The following MRPS10 variants were observed in gnomAD, a reference collection of about 807,000 sequenced individuals.
MRPS10 encodes the protein mitochondrial ribosomal protein S10.
A neutral mutation model predicts 27.5 loss-of-function variants in MRPS10; 23 were observed. The ratio of observed to expected loss-of-function variants is 0.84; its 90% CI spans 0.60 to 1.18. The LOEUF (loss-of-function observed/expected upper bound fraction) is 1.18. Ranked by LOEUF, MRPS10 falls within the 50% of genes most tolerant of loss-of-function variation. MRPS10 has a pLI of 0.00. For missense variants in MRPS10, 237 were observed against 240.1 expected, an observed-to-expected ratio of 0.99 and a Z score of 0.09; for synonymous variants, 88 against 84.2, an observed-to-expected ratio of 1.04 and a Z score of -0.25.
chr6:42,217,733 C>T (rs1325957675), intron 1 of MRPS10, 69 bp downstream of exon 1: 1 of 1,531,084 alleles, frequency 6.5e-7, no homozygotes, highest in South Asian at 1.1e-5. Flanking sequence ...GGCAGAGCGG[C>T]TGGTGGCAGG....
intron 1 of MRPS10, among the ~76,000 whole-genome samples, chr6:42,216,026 C>CTTTTTTTTTTTTTTTTTTTTTT (rs34985131): frequency 1.2e-4 from 7 of 56,976 alleles, no homozygotes; most frequent in East Asian, 1.4e-3. Context: ...TTTTTCTTTT[C>CTTTTTTTTTTTTTTTTTTTTTT]TTTTTTTTTT....
chr6:42,208,504 T>G (rs1768675921), intron 6 of MRPS10, 132 bp from the exon 7 acceptor site: 1 of 728,468 alleles, frequency 1.4e-6, no homozygotes, highest in Non-Finnish European at 2.3e-6. Flanking sequence ...TATAGGGTTT[T>G]GAAATGGAAA....
At position 42,216,119 on chromosome 6, in the gene MRPS10, G is replaced by C. The variant is rs139922578; in HGVS notation, c.48+1683C>G. On this transcript the variant is annotated intron_variant, in intron 1 of 6. Coordinates refer to ENST00000053468, the MANE Select transcript of MRPS10 (RefSeq NM_018141.4). ...GCTCACTGAAACCTCCGCCTCCTGGGTTCAAGCAAGTCTCCTGCCTTAGCC... is the reference window on the plus strand; with the variant it reads ...GCTCACTGAAACCTCCGCCTCCTGGCTTCAAGCAAGTCTCCTGCCTTAGCC... Among the ~76,000 whole-genome samples, 1,235 of 149,888 alleles carry C rather than the reference G, an allele frequency of 8.2e-3. 16 individuals are homozygous for C. The highest frequency in any genetic ancestry group is 0.029 in the African/African-American group (1,171 of 40,890).
intron 1 of MRPS10, 23 bp downstream of exon 1, chr6:42,217,779 A>C: frequency 6.2e-7 from 1 of 1,613,340 alleles, no homozygotes; most frequent in South Asian, 1.1e-5. Flanking sequence ...CAGCCCTCCT[A>C]GTCTCCCTAG....
intron 1 of MRPS10, among the ~76,000 whole-genome samples, chr6:42,217,031 T>C (rs1035306646): frequency 6.6e-6 from 1 of 152,160 alleles, no homozygotes; most frequent in African/African-American, 2.4e-5. Flanking sequence ...AGAAGCAGAT[T>C]TGAATCTAGC....
intron 1 of MRPS10, among the ~76,000 whole-genome samples, chr6:42,217,228 A>C (rs1240994594): frequency 1.3e-5 from 2 of 152,194 alleles, no homozygotes; most frequent in African/African-American, 4.8e-5. Context: ...GATAGCAAAA[A>C]CCCACAAAAA....
intron 1 of MRPS10, 87 bp downstream of exon 1, chr6:42,217,715 T>A: frequency 7.0e-7 from 1 of 1,430,314 alleles, no homozygotes; most frequent in Non-Finnish European, 9.8e-7. Context: ...TCAGGAAAAA[T>A]CCTGATGGGC....
intron 3 of MRPS10, among the ~76,000 whole-genome samples, chr6:42,212,458 T>A (rs1367744878): frequency 6.6e-6 from 1 of 152,090 alleles, no homozygotes; most frequent in Non-Finnish European, 1.5e-5. Flanking sequence ...GCCAAGTTAG[T>A]TCTATTCATA....
chr6:42,211,924 T>C lies in MRPS10; in HGVS notation c.187-7A>G, dbSNP rs199668531. ...GTTCATCAGAGATTGTTACCTAAAATCCAAAAGAAAAGTTTCAGTTTTAGT... is the reference window on the plus strand; with the variant it reads ...GTTCATCAGAGATTGTTACCTAAAACCCAAAAGAAAAGTTTCAGTTTTAGT... On this transcript the variant is annotated splice_region_variant and splice_polypyrimidine_tract_variant and intron_variant, in intron 3 of 6. Coordinates refer to ENST00000053468, the MANE Select transcript of MRPS10 (RefSeq NM_018141.4). The C allele has an allele frequency of 8.1e-6, 13 of 1,602,536 alleles. No homozygotes were observed. The East Asian group carries it at 2.2e-4, about 27-fold the overall frequency.
In MRPS10 at chr6:42,207,558, A is replaced by C. The variant is rs564080570; in HGVS notation, c.*731T>G. The C allele has an allele frequency of 6.6e-6, 1 of 152,288 alleles. No individual in the cohort carries two copies. The highest frequency in any genetic ancestry group is 6.5e-5 in the Admixed American group (1 of 15,282). The allele number at this position is 152,288 out of a possible 1,614,324, so 9.4% of individuals were successfully genotyped here. A position where few individuals can be genotyped will look rare whatever the true frequency, so the allele number is the denominator to read the frequency against. Reference sequence around the variant, plus strand: ...TTTCAAAAGCCATTATTTCTATTCAATTTTGGGTACTTAACTACAGTGCTG... The same window carrying C: ...TTTCAAAAGCCATTATTTCTATTCACTTTTGGGTACTTAACTACAGTGCTG... On this transcript the variant is annotated 3_prime_UTR_variant, in exon 7 of 7. Transcript: ENST00000053468.
At position 42,208,441 on chromosome 6, in the gene MRPS10, T is replaced by C. The variant is rs1423110898; in HGVS notation, c.523-69A>G. The C allele has an allele frequency of 8.4e-6, 10 of 1,185,484 alleles. No individual in the cohort carries two copies. The Middle Eastern group carries it at 7.7e-4, about 91-fold the overall frequency. The allele number at this position is 1,185,484 out of a possible 1,614,324, so 73.4% of individuals were successfully genotyped here. ...ACTCTTTGACTACAAATCGGACTTA[T>C]TAATTTGGTCAAATCCTCTTTACTT... On this transcript the variant is annotated intron_variant, in intron 6 of 6. Transcript: ENST00000053468.
At chr6:42,216,021 C>CT (rs1220329448) in intron 1 of MRPS10, among the ~76,000 whole-genome samples, 6 of 22,916 alleles carry the variant, frequency 2.6e-4, no homozygotes, top group African/African-American at 4.4e-4. Context: ...TTTTTTTTTT[C>CT]TTTTCTTTTT....
rs771785574 is a variant in MRPS10 at position 42,214,161 on chromosome 6, T to C, written c.145A>G (p.Asn49Asp). The C allele has an allele frequency of 3.0e-5, 49 of 1,613,302 alleles. No homozygotes were observed. Among genetic ancestry groups the C allele is most frequent in the Middle Eastern group, 3.4e-4 (2 of 5,962 alleles). ...STNMKWVQFS[N>D]LHVDVPKDLT... The stretch of plus-strand genomic sequence containing the variant: ...TCCTTTGGAACATCAACGTGTAGGT[T>C]TGAAAACTGTACCCACTTCATATTG... The change falls in exon 3 of 7, where the codon AAC (asparagine) becomes GAC (aspartate). Residue 49 changes from asparagine (N) to aspartate (D), a missense_variant. Coordinates refer to ENST00000053468, the MANE Select transcript of MRPS10 (RefSeq NM_018141.4).
intron 6 of MRPS10, 24 bp from the exon 7 acceptor site, chr6:42,208,396 T>A: frequency 1.3e-6 from 2 of 1,506,578 alleles, no homozygotes; most frequent in South Asian, 1.2e-5. Flanking sequence ...GAAACAAAAC[T>A]ATAATGTGGA....
intron 1 of MRPS10, among the ~76,000 whole-genome samples, chr6:42,216,385 A>AGAGAGAGAGTGT: frequency 3.4e-5 from 2 of 58,702 alleles, no homozygotes; most frequent in South Asian, 9.2e-4. Context: ...AGAGAGAGAG[A>AGAGAGAGAGTGT]GTGTGTGTGT....
chr6:42,215,099 G>T (rs1429551059), intron 1 of MRPS10, among the ~76,000 whole-genome samples: 1 of 152,028 alleles, frequency 6.6e-6, no homozygotes, highest in Non-Finnish European at 1.5e-5. Context: ...CAATGAAGAT[G>T]AAAATAAGGC....
chr6:42,217,771 G>A (rs762958826), intron 1 of MRPS10, 31 bp downstream of exon 1: 2 of 1,611,826 alleles, frequency 1.2e-6, no homozygotes, highest in African/African-American at 2.7e-5. Context: ...ATCCCGGTCA[G>A]CCCTCCTAGT....
At chr6:42,212,505 C>A (rs1768811847) in intron 3 of MRPS10, among the ~76,000 whole-genome samples, 1 of 152,096 alleles carries the variant, frequency 6.6e-6, no homozygotes, top group South Asian at 2.1e-4. Flanking sequence ...GTTTTGTCTG[C>A]CCTAATAAAC....
intron 1 of MRPS10, among the ~76,000 whole-genome samples, chr6:42,215,943 C>G (rs1178040122): frequency 6.6e-6 from 1 of 152,020 alleles, no homozygotes; most frequent in East Asian, 1.9e-4. Context: ...TCGAGTTGTG[C>G]AAGAGGAGCA....
Sources: allele counts gnomAD v4.1 joint callset (sites outside exome capture counted in the v4.1 genomes callset), GRCh38; gene constraint gnomAD v4.1.1; transcripts MANE v1.5; gene names NCBI Gene and HGNC (gene_info 2026-07-23, HGNC 2026-07-21).